FERMT2: variants seen among roughly 807,000 people sequenced by gnomAD.
FERMT2 encodes FERM domain containing kindlin 2.
FERMT2 carries 15 observed loss-of-function variants against 82.7 expected under a neutral mutation model. That is an observed-to-expected ratio of 0.18 (90% CI 0.12 to 0.28). The LOEUF (loss-of-function observed/expected upper bound fraction) is 0.28, where lower values mean the gene tolerates loss of function less well. FERMT2 is among the 10% of genes least tolerant of loss of function. The pLI, the probability that FERMT2 is intolerant of heterozygous loss-of-function variation, is 1.00. For synonymous variants in FERMT2, 274 were observed against 271.5 expected (o/e 1.01, Z -0.09); for missense variants, 645 against 809.4 (o/e 0.80, Z 2.46).
chr14:52,945,550 G>C (rs918046150), intron 2 of FERMT2, among the ~76,000 whole-genome samples: 1 of 151,906 alleles, frequency 6.6e-6, no homozygotes, highest in African/African-American at 2.4e-5. Context: ...CACCACTCCC[G>C]GCCTAATCCT....
At chr14:52,933,201 T>A (rs1274237969) in intron 2 of FERMT2, among the ~76,000 whole-genome samples, 3 of 152,202 alleles carry the variant, frequency 2.0e-5, no homozygotes, top group Non-Finnish European at 2.9e-5. Flanking sequence ...TATATTTTAC[T>A]TTTTCCTCTC....
At chr14:52,930,925 T>C (rs556085425) in intron 2 of FERMT2, among the ~76,000 whole-genome samples, 6 of 152,318 alleles carry the variant, frequency 3.9e-5, no homozygotes, top group Non-Finnish European at 5.9e-5. Flanking sequence ...CAATCATACA[T>C]TGTCTTTACT....
chr14:52,885,912 G>A (rs1221680402), intron 4 of FERMT2, among the ~76,000 whole-genome samples: 2 of 150,272 alleles, frequency 1.3e-5, no homozygotes, highest in Non-Finnish European at 3.0e-5. Context: ...TAAAGTAAAT[G>A]GCTAACAGAT....
intron 4 of FERMT2, chr14:52,881,694 A>G: frequency 8.9e-7 from 1 of 1,125,694 alleles, no homozygotes. Context: ...AGTTGGCAGA[A>G]ATTCTGGGGA....
At chr14:52,925,123 T>C (rs1889179761) in intron 2 of FERMT2, among the ~76,000 whole-genome samples, 2 of 152,164 alleles carry the variant, frequency 1.3e-5, no homozygotes, top group African/African-American at 4.8e-5. Context: ...GCTCAGACTA[T>C]CACAAGAACA....
chr14:52,860,538 A>C lies in FERMT2; in HGVS notation c.1603-73T>G, dbSNP rs191166807. The C allele has an allele frequency of 3.4e-5, 47 of 1,401,050 alleles. 2 individuals carry two copies. The highest frequency in any genetic ancestry group is 2.7e-4 in the South Asian group (20 of 72,924). 86.8% of individuals were successfully genotyped at this position (1,401,050 alleles called of 1,614,324 possible). A position where few individuals can be genotyped will look rare whatever the true frequency, so the allele number is the denominator to read the frequency against. ...TGGGAGAACTGAGACAAAAGATCAA[A>C]AGATTGAATTACGCACCCCGTACCC... On this transcript the variant is annotated intron_variant, in intron 12 of 14. Transcript: ENST00000341590.
At chr14:52,872,517 G>C (rs1885689786) in intron 10 of FERMT2, among the ~76,000 whole-genome samples, 1 of 152,104 alleles carries the variant, frequency 6.6e-6, no homozygotes, top group Non-Finnish European at 1.5e-5. Context: ...CTGGGTGACA[G>C]AGCAAGACTC....
In FERMT2 at chr14:52,893,315, C is replaced by A. The variant is rs980230434; in HGVS notation, c.504G>T (p.Gly168=). The A allele has an allele frequency of 3.7e-6, 6 of 1,608,880 alleles. No individual in the cohort carries two copies. The highest frequency in any genetic ancestry group is 5.1e-6 in the Non-Finnish European group (6 of 1,178,588). The change falls in exon 4 of 15, where the codon GGG becomes GGT. Residue 168 remains glycine (G), a synonymous_variant. Coordinates refer to ENST00000341590, the MANE Select transcript of FERMT2 (RefSeq NM_006832.3). The stretch of plus-strand genomic sequence containing the variant: ...TACCTGATCCAGGAGTGATAAGAGG[C>A]CCCTCTAATTCAAGTGCCTCATCTT... The part of the protein sequence containing the change: ...QSEDEALELE[G]PLITPGSGSI...
chr14:52,925,044 T>A (rs1889174806), intron 2 of FERMT2, among the ~76,000 whole-genome samples: 1 of 152,196 alleles, frequency 6.6e-6, no homozygotes, highest in Non-Finnish European at 1.5e-5. Context: ...TGGTGCTGGC[T>A]TTATATCACA....
At position 52,858,326 on chromosome 14, in the gene FERMT2, T is replaced by TAA. The variant is rs1884692637; in HGVS notation, c.*49_*50dup. 6.6e-7 allele frequency: 1 copy of TAA among 1,506,738 alleles called. No individual in the cohort carries two copies. The highest frequency in any genetic ancestry group is 1.4e-5 in the African/African-American group (1 of 72,492). 93.3% of individuals were successfully genotyped at this position (1,506,738 alleles called of 1,614,324 possible). ...TAAGCAGCATATAACAAACAGCTTT[T>TAA]AAAGTTAAATATTGTTATGGCCGTG... is the stretch of plus-strand genomic sequence containing the variant. On this transcript the variant is annotated 3_prime_UTR_variant, in exon 15 of 15. Transcript: ENST00000341590.
intron 2 of FERMT2, among the ~76,000 whole-genome samples, chr14:52,948,340 G>C (rs991229134): frequency 2.0e-5 from 3 of 152,172 alleles, no homozygotes; most frequent in African/African-American, 7.2e-5. Flanking sequence ...TGTTTTAAAT[G>C]CTGCCCTACC....
intron 3 of FERMT2, among the ~76,000 whole-genome samples, chr14:52,901,977 A>T (rs568836763): frequency 2.0e-5 from 3 of 152,366 alleles, no homozygotes; most frequent in Admixed American, 2.0e-4. Flanking sequence ...ACCAAACAAA[A>T]AGAAAAATAA....
intron 12 of FERMT2, chr14:52,861,067 A>T: frequency 6.7e-7 from 1 of 1,498,280 alleles, no homozygotes; most frequent in South Asian, 1.4e-5. Context: ...AGAAAAAGGA[A>T]GCAGAAAGAA....
intron 12 of FERMT2, 94 bp downstream of exon 12, chr14:52,864,307 C>T (rs549331675): frequency 1.2e-6 from 1 of 815,182 alleles, no homozygotes; most frequent in African/African-American, 1.7e-5. Context: ...AAAATTAAGA[C>T]TAAAAAGTTT....
intron 2 of FERMT2, among the ~76,000 whole-genome samples, chr14:52,926,790 G>C (rs1187358425): frequency 6.6e-6 from 1 of 152,022 alleles, no homozygotes; most frequent in Non-Finnish European, 1.5e-5. Flanking sequence ...GGGATTTTAT[G>C]ATTTACTTAT....
intron 10 of FERMT2, among the ~76,000 whole-genome samples, chr14:52,869,112 C>T (rs778805137): frequency 9.9e-5 from 15 of 152,256 alleles, no homozygotes; most frequent in South Asian, 2.1e-4. Context: ...GGATCATTTA[C>T]GCTGGTCCTG....
chr14:52,942,398 G>A (rs1022892702), intron 2 of FERMT2, among the ~76,000 whole-genome samples: 3 of 151,430 alleles, frequency 2.0e-5, no homozygotes, highest in Admixed American at 2.0e-4. Flanking sequence ...CCCCTTCTGG[G>A]TTCACACCAT....
chr14:52,930,413 C>T (rs1409594121), intron 2 of FERMT2, among the ~76,000 whole-genome samples: 2 of 152,304 alleles, frequency 1.3e-5, no homozygotes, highest in Non-Finnish European at 2.9e-5. Context: ...ACCTATATGA[C>T]TAGCAACACT....
intron 2 of FERMT2, among the ~76,000 whole-genome samples, chr14:52,940,889 G>T (rs540944151): frequency 1.3e-5 from 2 of 152,266 alleles, no homozygotes; most frequent in South Asian, 4.1e-4. Flanking sequence ...ATACTGACAG[G>T]AAAGTAAAGT....
Sources: gnomAD v4.1 joint callset for allele counts (sites outside exome capture counted in the v4.1 genomes callset) on GRCh38, gnomAD v4.1.1 for gene constraint, MANE v1.5 for transcripts, NCBI Gene and HGNC (gene_info 2026-07-23, HGNC 2026-07-21) for gene names.